MIR2052HG: variants seen among roughly 807,000 people sequenced by gnomAD.
MIR2052HG encodes the protein MIR2052 host gene.
In MIR2052HG at chr8:74,604,335, G is replaced by C. The variant is rs1437522770; in HGVS notation, n.128+4427G>C. On this transcript the variant is annotated intron_variant and non_coding_transcript_variant, in intron 1 of 6. Coordinates refer to ENST00000523442, the Ensembl canonical transcript of MIR2052HG. Reference sequence around the variant, plus strand: ...AAGCCAAAAACTGCTGGCGCGAGGCGACTGAGGGGAAAAGGGGAATGGGCT... The same window carrying C: ...AAGCCAAAAACTGCTGGCGCGAGGCCACTGAGGGGAAAAGGGGAATGGGCT... The C allele has an allele frequency of 6.1e-6, 3 of 495,656 alleles. No homozygotes were observed. In the African/African-American group the frequency reaches 6.1e-5, roughly 10 times the overall value. The allele number at this position is 495,656 out of a possible 1,614,324, so 30.7% of individuals were successfully genotyped here. A position where few individuals can be genotyped will look rare whatever the true frequency, so the allele number is the denominator to read the frequency against.
chr8:74,616,320 T>C (rs915744831), intron 2 of MIR2052HG, among the ~76,000 whole-genome samples: 1 of 151,288 alleles, frequency 6.6e-6, no homozygotes, highest in African/African-American at 2.4e-5. Flanking sequence ...TGGTGTGAGA[T>C]GGTATCTCAC....
At chr8:74,743,827 T>A (rs1239194560) in intron 4 of MIR2052HG, among the ~76,000 whole-genome samples, 1 of 152,092 alleles carries the variant, frequency 6.6e-6, no homozygotes, top group Non-Finnish European at 1.5e-5. Flanking sequence ...CATTTTGGAC[T>A]CCAACAGGAT....
intron 2 of MIR2052HG, among the ~76,000 whole-genome samples, chr8:74,699,422 A>C (rs966773871): frequency 6.6e-6 from 1 of 151,422 alleles, no homozygotes; most frequent in Non-Finnish European, 1.5e-5. Context: ...GTGTGTATAT[A>C]TATATATATA....
chr8:74,719,888 G>A lies in MIR2052HG; in HGVS notation n.371+16206G>A, dbSNP rs758896541. On this transcript the variant is annotated intron_variant and non_coding_transcript_variant, in intron 4 of 6. Coordinates refer to ENST00000523442, the Ensembl canonical transcript of MIR2052HG. Reference sequence around the variant, plus strand: ...TTTTGAGAGGGAGTCTTGCTCTGTCGCCAGGCTGGAGTGCAGTGGCATGAT... The same window carrying A: ...TTTTGAGAGGGAGTCTTGCTCTGTCACCAGGCTGGAGTGCAGTGGCATGAT... 6.5e-5 allele frequency among the ~76,000 whole-genome samples: 8 copies of A among 122,950 alleles called. No homozygotes were observed. The East Asian group carries it at 7.4e-4, about 11-fold the overall frequency. The allele number at this position is 122,950 out of a possible 152,430, so 80.7% of individuals were successfully genotyped here.
intron 2 of MIR2052HG, among the ~76,000 whole-genome samples, chr8:74,626,053 G>A (rs1808431288): frequency 6.6e-6 from 1 of 152,170 alleles, no homozygotes; most frequent in East Asian, 1.9e-4. Context: ...AGCACTCCCT[G>A]GACACCTGAA....
At chr8:74,749,314 T>C (rs1209114592) in intron 4 of MIR2052HG, among the ~76,000 whole-genome samples, 2 of 152,040 alleles carry the variant, frequency 1.3e-5, no homozygotes, top group Non-Finnish European at 2.9e-5. Context: ...GAAAGCTCTG[T>C]AAGCTACAAT....
Position 74,620,413 on chromosome 8 carries a change from C to T in MIR2052HG, n.216+7473C>T, listed in dbSNP as rs553235711. ...AACCTCACGTTTCCCTTCTGCACTG[C>T]CCTCACAGAGGCTCTCCATGAGGGC... On this transcript the variant is annotated intron_variant and non_coding_transcript_variant, in intron 2 of 6. Transcript: ENST00000523442. 1.2e-4 allele frequency among the ~76,000 whole-genome samples: 18 copies of T among 152,360 alleles called. No homozygotes were observed. The South Asian group carries it at 3.7e-3, about 32-fold the overall frequency.
chr8:74,632,909 T>G (rs117375323), intron 2 of MIR2052HG, among the ~76,000 whole-genome samples: 2,830 of 152,304 alleles, frequency 0.019, 39 homozygotes, highest in Non-Finnish European at 0.025. Context: ...GCTGTCTCTG[T>G]TTTCTGGCTC....
intron 2 of MIR2052HG, among the ~76,000 whole-genome samples, chr8:74,631,842 C>T (rs1434354741): frequency 6.6e-6 from 1 of 152,170 alleles, no homozygotes; most frequent in African/African-American, 2.4e-5. Flanking sequence ...GCAGAAGGGG[C>T]AAATGCTGTG....
intron 4 of MIR2052HG, among the ~76,000 whole-genome samples, chr8:74,725,322 C>T (rs766072776): frequency 3.9e-5 from 6 of 152,194 alleles, no homozygotes; most frequent in Admixed American, 6.5e-5. Flanking sequence ...ACTCACTTAG[C>T]GTCTAGGAGT....
chr8:74,681,142 A>C (rs1451458686), intron 2 of MIR2052HG, among the ~76,000 whole-genome samples: 1 of 151,580 alleles, frequency 6.6e-6, no homozygotes, highest in Admixed American at 6.6e-5. Flanking sequence ...GCAGCGCACC[A>C]GCATGGCACA....
At chr8:74,612,538 C>T (rs978385662) in intron 1 of MIR2052HG, 7 of 203,222 alleles carry the variant, frequency 3.4e-5, no homozygotes, top group Admixed American at 1.6e-4. Context: ...AGGTCATGCT[C>T]GTTACTAGGT....
chr8:74,749,807 C>G (rs1326368935), intron 4 of MIR2052HG, among the ~76,000 whole-genome samples: 1 of 146,228 alleles, frequency 6.8e-6, no homozygotes, highest in Non-Finnish European at 1.5e-5. Context: ...CGAGATCGTG[C>G]CACTGCACTC....
intron 4 of MIR2052HG, among the ~76,000 whole-genome samples, chr8:74,740,538 T>C (rs1809814944): frequency 6.6e-6 from 1 of 152,208 alleles, no homozygotes; most frequent in South Asian, 2.1e-4. Flanking sequence ...AGGTAATATA[T>C]GGATCCTGCC....
chr8:74,753,400 A>G (rs1809968269), intron 5 of MIR2052HG, among the ~76,000 whole-genome samples: 1 of 152,196 alleles, frequency 6.6e-6, no homozygotes, highest in South Asian at 2.1e-4. Flanking sequence ...ATTTATTACA[A>G]AATAAATTGC....
intron 1 of MIR2052HG, among the ~76,000 whole-genome samples, chr8:74,600,675 A>C (rs1053033055): frequency 6.6e-6 from 1 of 151,764 alleles, no homozygotes; most frequent in African/African-American, 2.4e-5. Flanking sequence ...TCCCGGGTTC[A>C]AGTGATTATC....
At chr8:74,603,821 T>A (rs911315632) in intron 1 of MIR2052HG, 1 of 841,682 alleles carries the variant, frequency 1.2e-6, no homozygotes, top group African/African-American at 1.7e-5. Flanking sequence ...GCCTGCTCAG[T>A]TGAGTTGGGT....
At chr8:74,699,414 G>GTATATATA (rs1563534595) in intron 2 of MIR2052HG, among the ~76,000 whole-genome samples, 2 of 108,664 alleles carry the variant, frequency 1.8e-5, no homozygotes, top group African/African-American at 8.3e-5. Context: ...GTGTGTGTGT[G>GTATATATA]TGTATATATA....
intron 4 of MIR2052HG, among the ~76,000 whole-genome samples, chr8:74,716,111 C>T (rs908558130): frequency 6.6e-6 from 1 of 152,160 alleles, no homozygotes; most frequent in African/African-American, 2.4e-5. Context: ...CTATGGACAA[C>T]TGGGGGCCCA....
Sources: gnomAD v4.1 joint callset for allele counts (sites outside exome capture counted in the v4.1 genomes callset) on GRCh38, gnomAD v4.1.1 for gene constraint, MANE v1.5 for transcripts, NCBI Gene and HGNC (gene_info 2026-07-23, HGNC 2026-07-21) for gene names.